Variants in CSMD1 observed in about 807,000 individuals in gnomAD.
CSMD1 encodes CUB and sushi domain-containing protein 1.
CSMD1 carries 213 observed loss-of-function variants against 417.5 expected under a neutral mutation model. The ratio of observed to expected loss-of-function variants is 0.51; its 90% CI spans 0.46 to 0.57. CSMD1 has a LOEUF of 0.57. Among genes scored for constraint, CSMD1 ranks in the 20% least tolerant of loss-of-function variants. CSMD1 has a pLI of 0.00. For synonymous variants in CSMD1, 2,862 were observed against 1,736.8 expected (o/e 1.65, Z -16.11); for missense variants, 6,923 against 4,529.7 (o/e 1.53, Z -15.17).
At chr8:3,037,432 T>C (rs372783834) in intron 50 of CSMD1, among the ~76,000 whole-genome samples, 1 of 151,932 alleles carries the variant, frequency 6.6e-6, no homozygotes, top group African/African-American at 2.4e-5. Context: ...GTGGTCTGGA[T>C]CTTCTGACCT....
intron 3 of CSMD1, among the ~76,000 whole-genome samples, chr8:4,397,026 A>T (rs973400633): frequency 1.1e-4 from 16 of 148,244 alleles, no homozygotes; most frequent in African/African-American, 3.6e-4. Flanking sequence ...AAATCTAATG[A>T]AATTAAAAAA....
At chr8:3,076,013 T>A (rs1813651229) in intron 49 of CSMD1, among the ~76,000 whole-genome samples, 1 of 150,392 alleles carries the variant, frequency 6.6e-6, no homozygotes, top group South Asian at 2.1e-4. Context: ...ATCGCGCCAC[T>A]GCACTCTAGC....
chr8:3,562,679 C>T (rs914414071), intron 10 of CSMD1, among the ~76,000 whole-genome samples: 1 of 151,606 alleles, frequency 6.6e-6, no homozygotes, highest in Admixed American at 6.6e-5. Flanking sequence ...TTTAAAGACA[C>T]TATTATAGTT....
At position 3,396,210 on chromosome 8, in the gene CSMD1, G is replaced by C; in HGVS notation, c.2577C>G (p.Phe859Leu). 1 of 1,562,802 alleles carries C rather than the reference G, an allele frequency of 6.4e-7. No homozygotes were observed. Among genetic ancestry groups the C allele is most frequent in the Non-Finnish European group, 8.7e-7 (1 of 1,153,532 alleles). The change falls in exon 17 of 70, where the codon TTC (phenylalanine) becomes TTG (leucine). Residue 859 changes from phenylalanine to leucine, a missense_variant. Coordinates refer to ENST00000635120, the MANE Select transcript of CSMD1 (RefSeq NM_033225.6). ...GCAACTCACTCTCATAGTGGATGAG[G>C]AAGCCGATGCTGGAGCGGCTGTTGT... The part of the protein sequence containing the change: ...TTDNSRSSIG[F>L]LIHYESVTLE...
chr8:3,089,800 C>T (rs1213830995), intron 48 of CSMD1, among the ~76,000 whole-genome samples: 2 of 152,122 alleles, frequency 1.3e-5, no homozygotes, highest in African/African-American at 4.8e-5. Context: ...TATTCTTCTT[C>T]TCCCAATACA....
At chr8:4,396,004 T>A (rs1476054054) in intron 3 of CSMD1, among the ~76,000 whole-genome samples, 2 of 152,198 alleles carry the variant, frequency 1.3e-5, no homozygotes, top group African/African-American at 4.8e-5. Flanking sequence ...ATGGAATGTT[T>A]TATAATCATT....
chr8:4,927,277 C>T (rs928015396), intron 1 of CSMD1, among the ~76,000 whole-genome samples: 1 of 151,820 alleles, frequency 6.6e-6, no homozygotes, highest in Non-Finnish European at 1.5e-5. Flanking sequence ...AGGCTGGTCT[C>T]GAACTCCCGT....
chr8:3,714,025 CAGATAGATAGATAGAT>C (rs36006305), intron 6 of CSMD1, among the ~76,000 whole-genome samples: 4 of 147,088 alleles, frequency 2.7e-5, no homozygotes, highest in African/African-American at 1.0e-4. Flanking sequence ...GCTCACTATG[CAGATAGATAGATAGAT>C]AGATAGATAG....
At position 4,081,207 on chromosome 8, in the gene CSMD1, G is replaced by C. The variant is rs562433732; in HGVS notation, c.416-49108C>G. Among the ~76,000 whole-genome samples, 4 of 152,254 alleles carry C rather than the reference G, an allele frequency of 2.6e-5. No individual in the cohort carries two copies. The East Asian group carries it at 5.8e-4, about 22-fold the overall frequency. On this transcript the variant is annotated intron_variant, in intron 3 of 69. Transcript: ENST00000635120. ...TTATTTATAAATTATCCAGTCTGTG[G>C]CGTTTTGTTATGCAGCAGGAACAGT... is the stretch of plus-strand genomic sequence containing the variant.
intron 5 of CSMD1, among the ~76,000 whole-genome samples, chr8:3,868,332 T>C (rs1805246864): frequency 1.3e-5 from 2 of 152,110 alleles, no homozygotes; most frequent in Non-Finnish European, 2.9e-5. Context: ...GAGACATTTA[T>C]TTTTTGCCTT....
At position 4,787,097 on chromosome 8, in the gene CSMD1, T is replaced by C. The variant is rs140345482; in HGVS notation, c.86-149539A>G. On this transcript the variant is annotated intron_variant, in intron 1 of 69. Coordinates refer to ENST00000635120, the MANE Select transcript of CSMD1 (RefSeq NM_033225.6). Reference sequence around the variant, plus strand: ...GATCTAATTACTGATAGCAGGGTGATACTCGGCCTCCGCTGGCTCAACTTT... The same window carrying C: ...GATCTAATTACTGATAGCAGGGTGACACTCGGCCTCCGCTGGCTCAACTTT... Among the ~76,000 whole-genome samples, 1,039 of 152,306 alleles carry C rather than the reference T, an allele frequency of 6.8e-3. 11 individuals carry two copies. The highest frequency in any genetic ancestry group is 0.024 in the African/African-American group (982 of 41,558).
At chr8:4,810,710 G>A (rs1013431526) in intron 1 of CSMD1, among the ~76,000 whole-genome samples, 2 of 152,074 alleles carry the variant, frequency 1.3e-5, no homozygotes, top group African/African-American at 2.4e-5. Context: ...TCCGTCATCT[G>A]GAAATTTTCA....
intron 3 of CSMD1, among the ~76,000 whole-genome samples, chr8:4,344,981 A>G (rs766778811): frequency 2.8e-4 from 43 of 151,066 alleles, no homozygotes; most frequent in Non-Finnish European, 5.3e-4. Context: ...GACTGAAGAA[A>G]ACAAATGGCT....
At chr8:2,999,628 T>C (rs1212775268) in intron 53 of CSMD1, among the ~76,000 whole-genome samples, 1 of 152,104 alleles carries the variant, frequency 6.6e-6, no homozygotes, top group African/African-American at 2.4e-5. Flanking sequence ...ACTATCAGCT[T>C]TTCTCTCCAC....
At chr8:4,852,607 T>C (rs932568938) in intron 1 of CSMD1, among the ~76,000 whole-genome samples, 1 of 152,166 alleles carries the variant, frequency 6.6e-6, no homozygotes, top group Non-Finnish European at 1.5e-5. Flanking sequence ...GATGTTGCTA[T>C]AAAGATACTT....
intron 4 of CSMD1, among the ~76,000 whole-genome samples, chr8:4,023,753 A>ATTTTTTTTTTTTT (rs760333220): frequency 4.0e-5 from 2 of 50,100 alleles, no homozygotes; most frequent in Non-Finnish European, 6.9e-5. Context: ...CGCTCGGCTA[A>ATTTTTTTTTTTTT]TTTTTTTTTT....
chr8:3,260,298 T>C (rs1380883937), intron 26 of CSMD1, among the ~76,000 whole-genome samples: 2 of 152,104 alleles, frequency 1.3e-5, no homozygotes. Context: ...ACGCCACCTC[T>C]GTGAGGCTCC....
At chr8:3,556,187 A>C (rs1169922107) in intron 10 of CSMD1, among the ~76,000 whole-genome samples, 3 of 151,796 alleles carry the variant, frequency 2.0e-5, no homozygotes, top group Admixed American at 6.6e-5. Context: ...AACATGTAAC[A>C]CTTAATTATG....
chr8:3,259,084 A>T (rs1457619686), intron 26 of CSMD1, among the ~76,000 whole-genome samples: 3 of 152,178 alleles, frequency 2.0e-5, no homozygotes, highest in Admixed American at 6.5e-5. Flanking sequence ...CTTATATATA[A>T]AGCAGGTATC....
Sources: gnomAD v4.1 joint callset for allele counts (sites outside exome capture counted in the v4.1 genomes callset) on GRCh38, gnomAD v4.1.1 for gene constraint, MANE v1.5 for transcripts, NCBI Gene and HGNC (gene_info 2026-07-23, HGNC 2026-07-21) for gene names.